PARP4: variants seen among roughly 807,000 people sequenced by gnomAD.
PARP4 encodes poly(ADP-ribose) polymerase family member 4.
PARP4 carries 120 observed loss-of-function variants against 187.7 expected under a neutral mutation model. The observed-to-expected ratio is 0.64, with a 90% confidence interval of 0.55 to 0.74. The LOEUF (loss-of-function observed/expected upper bound fraction) is 0.74. PARP4 is among the 30% of genes least tolerant of loss of function. The pLI is 0.00. For missense variants in PARP4, 1,836 were observed against 2,070.5 expected, an observed-to-expected ratio of 0.89 and a Z score of 2.20; for synonymous variants, 654 against 740.9, an observed-to-expected ratio of 0.88 and a Z score of 1.90.
intron 10 of PARP4, 83 bp downstream of exon 10, chr13:24,490,585 G>C (rs1466895103): frequency 4.9e-6 from 5 of 1,015,152 alleles, no homozygotes; most frequent in African/African-American, 1.6e-5. Flanking sequence ...GATTATCTAG[G>C]TAATTACTGT....
chr13:24,480,593 A>C (rs1229309376), intron 12 of PARP4, among the ~76,000 whole-genome samples: 3 of 152,254 alleles, frequency 2.0e-5, no homozygotes, highest in African/African-American at 7.2e-5. Flanking sequence ...ATAACAAAGC[A>C]AAACAGCCTT....
At chr13:24,446,980 T>G (rs770362288) in intron 26 of PARP4, 36 bp downstream of exon 26, 2 of 1,533,278 alleles carry the variant, frequency 1.3e-6, no homozygotes, top group East Asian at 2.3e-5. Context: ...AATATATTGG[T>G]CTTCCCATAG....
chr13:24,473,738 A>ACACCATCAAAAGGCAAAGGT (rs1872837278), intron 15 of PARP4, among the ~76,000 whole-genome samples: 1 of 151,958 alleles, frequency 6.6e-6, no homozygotes. Context: ...CACCCCCACC[A>ACACCATCAAAAGGCAAAGGT]CACCATCAAA....
At chr13:24,439,183 C>T (rs1870789468) in intron 30 of PARP4, among the ~76,000 whole-genome samples, 1 of 151,812 alleles carries the variant, frequency 6.6e-6, no homozygotes, top group Non-Finnish European at 1.5e-5. Flanking sequence ...ATAAACAGGC[C>T]AGGCATGGTG....
intron 23 of PARP4, among the ~76,000 whole-genome samples, 178 bp downstream of exon 23, chr13:24,453,409 T>A (rs1006684612): frequency 3.3e-5 from 5 of 152,114 alleles, no homozygotes; most frequent in Admixed American, 6.5e-5. Flanking sequence ...TCTTTTTAAT[T>A]TCCAATTTTT....
rs779701517 is a variant in PARP4 at position 24,459,087 on chromosome 13, A to G, written c.2381T>C (p.Val794Ala). 1.2e-6 allele frequency: 2 copies of G among 1,611,372 alleles called. No individual in the cohort carries two copies. Among genetic ancestry groups the G allele is most frequent in the Non-Finnish European group, 1.7e-6 (2 of 1,178,020 alleles). The change falls in exon 20 of 34, where the codon GTG becomes GCG. Residue 794 changes from valine (V) to alanine (A), a missense_variant. Val to Ala is a moderately conservative substitution (Grantham distance 64). Transcript: ENST00000381989. ...SLTMSIEMPY[V>A]IEFIFSDTHE... ...TGTATCACTGAAAATGAATTCAATC[A>G]CATACGGCATCTCAATAGACATAGT...
At chr13:24,501,897 G>T in intron 2 of PARP4, 63 bp from the exon 3 acceptor site, 1 of 1,009,074 alleles carries the variant, frequency 9.9e-7, no homozygotes, top group Non-Finnish European at 1.5e-6. Context: ...TAAGATATTT[G>T]TATCTGTAAT....
rs959716644 is a variant in PARP4 at position 24,421,212 on chromosome 13, G to A, written c.5082C>T (p.Asn1694=). The change falls in exon 34 of 34, where the codon AAC becomes AAT. Residue 1694 remains asparagine (N), a synonymous_variant. Coordinates refer to ENST00000381989, the MANE Select transcript of PARP4 (RefSeq NM_006437.4). The stretch of plus-strand genomic sequence containing the variant: ...ACTGCTTGGTGGCAGAGTCCCAGTC[G>A]TTCCCCAGTTCAAGCCGTGGGCAGA... ...PSICPRLELG[N]DWDSATKQLL... is the part of the protein sequence containing the mutation. 2.7e-5 allele frequency: 38 copies of A among 1,412,032 alleles called. No homozygotes were observed. The highest frequency in any genetic ancestry group is 2.2e-4 in the Admixed American group (9 of 40,242). The allele number at this position is 1,412,032 out of a possible 1,614,324, so 87.5% of individuals were successfully genotyped here.
chr13:24,456,410 G>A lies in PARP4; in HGVS notation c.2493C>T (p.Leu831=). 6.2e-7 allele frequency: 1 copy of A among 1,612,294 alleles called. No homozygotes were observed. Among genetic ancestry groups the A allele is most frequent in the South Asian group, 1.1e-5 (1 of 90,986 alleles). The change falls in exon 21 of 34, where the codon CTC becomes CTT. Residue 831 remains leucine (L), a synonymous_variant. Transcript: ENST00000381989. ...GSSLDSSGFS[L]HIGLSAAYLP... ...GATAGGCAGCAGACAAACCGATGTG[G>A]AGAGAAAATCCACTGCTGTCTAAGG...
In PARP4 at chr13:24,500,304, G is replaced by A. The variant is rs371572439; in HGVS notation, c.401+12C>T. On this transcript the variant is annotated intron_variant, in intron 4 of 33. Coordinates refer to ENST00000381989, the MANE Select transcript of PARP4 (RefSeq NM_006437.4). ...TCTGTAGAGTCCCAGGAATCAGAAA[G>A]AAGTAAATTACTCAGTGAGTTCCAC... The A allele has an allele frequency of 1.3e-6, 2 of 1,530,034 alleles. No individual in the cohort carries two copies. The highest frequency in any genetic ancestry group is 1.8e-6 in the Non-Finnish European group (2 of 1,116,750). The allele number at this position is 1,530,034 out of a possible 1,614,324, so 94.8% of individuals were successfully genotyped here.
chr13:24,484,036 G>C (rs182671617), intron 12 of PARP4, among the ~76,000 whole-genome samples: 45 of 152,222 alleles, frequency 3.0e-4, no homozygotes, highest in East Asian at 2.5e-3. Flanking sequence ...AAATATCTTG[G>C]ATCATTATCC....
chr13:24,494,828 AG>A (rs1249486213), intron 6 of PARP4, 106 bp from the exon 7 acceptor site: 1 of 696,916 alleles, frequency 1.4e-6, no homozygotes, highest in African/African-American at 1.9e-5. Flanking sequence ...CTTAGAAATT[AG>A]TTTTTTTCAA....
intron 10 of PARP4, among the ~76,000 whole-genome samples, chr13:24,489,440 T>C (rs1343549460): frequency 5.3e-5 from 8 of 152,070 alleles, no homozygotes; most frequent in Non-Finnish European, 8.8e-5. Context: ...AAACCCCGTC[T>C]CTACTAAAAA....
chr13:24,505,156 AGAG>A (rs1214142486), intron 1 of PARP4, among the ~76,000 whole-genome samples: 1 of 151,994 alleles, frequency 6.6e-6, no homozygotes, highest in Non-Finnish European at 1.5e-5. Flanking sequence ...ACACACACAC[AGAG>A]GAGAAAGAAA....
At chr13:24,490,625 CATTAT>C (rs761294238) in intron 10 of PARP4, 38 bp downstream of exon 10, 14 of 1,483,236 alleles carry the variant, frequency 9.4e-6, no homozygotes, top group African/African-American at 1.4e-5. Flanking sequence ...TCTCAAAGAG[CATTAT>C]ATTATAACAG....
chr13:24,496,303 C>T (rs1868951232), intron 6 of PARP4, among the ~76,000 whole-genome samples: 1 of 152,186 alleles, frequency 6.6e-6, no homozygotes, highest in Non-Finnish European at 1.5e-5. Context: ...CTTTCTCCTT[C>T]TTGGACACAT....
chr13:24,501,544 G>T, intron 3 of PARP4, 89 bp downstream of exon 3: 3 of 849,986 alleles, frequency 3.5e-6, no homozygotes, highest in Non-Finnish European at 5.8e-6. Context: ...AGTATTTCTG[G>T]ACAATTCTCT....
intron 15 of PARP4, among the ~76,000 whole-genome samples, chr13:24,470,903 C>T (rs532348836): frequency 1.3e-5 from 2 of 152,244 alleles, no homozygotes; most frequent in East Asian, 3.9e-4. Flanking sequence ...ATCAGCAGGT[C>T]AGCACCGTCC....
Position 24,421,428 on chromosome 13 carries a change from T to G in PARP4, c.4980-114A>C, listed in dbSNP as rs374636156. ...TGATTCTGCCAAAAATTAAGATATT[T>G]AATAAAAGCAGTTTTCCTTGGCATC... On this transcript the variant is annotated intron_variant, in intron 33 of 33. Transcript: ENST00000381989. 2.9e-3 allele frequency: 1,983 copies of G among 685,948 alleles called. 4 individuals carry two copies. Among genetic ancestry groups the G allele is most frequent in the African/African-American group, 6.0e-3 (334 of 55,306 alleles). The allele number at this position is 685,948 out of a possible 1,614,324, so 42.5% of individuals were successfully genotyped here. A position where few individuals can be genotyped will look rare whatever the true frequency, so the allele number is the denominator to read the frequency against.
Sources: allele counts gnomAD v4.1 joint callset (sites outside exome capture counted in the v4.1 genomes callset), GRCh38; gene constraint gnomAD v4.1.1; transcripts MANE v1.5; gene names NCBI Gene and HGNC (gene_info 2026-07-23, HGNC 2026-07-21).